ATP2C2: variants seen among roughly 807,000 people sequenced by gnomAD.
ATP2C2 encodes ATPase secretory pathway Ca2+ transporting 2.
In ATP2C2, 171 loss-of-function variants were observed where a neutral mutation model predicts 110.8. That is an observed-to-expected ratio of 1.54 (90% CI 1.36 to 1.75). The LOEUF (loss-of-function observed/expected upper bound fraction) is 1.75, where lower values mean the gene tolerates loss of function less well. Ranked by LOEUF, ATP2C2 falls within the 40% of genes most tolerant of loss-of-function variation. ATP2C2 has a pLI of 0.00. For missense variants in ATP2C2, 1,963 were observed against 1,235.0 expected (o/e 1.59, Z -8.84); for synonymous variants, 804 against 508.4 (o/e 1.58, Z -7.82).
At chr16:84,377,732 G>A (rs1910331048) in intron 1 of ATP2C2, among the ~76,000 whole-genome samples, 1 of 152,036 alleles carries the variant, frequency 6.6e-6, no homozygotes, top group Admixed American at 6.5e-5. Context: ...CCTGGGAATG[G>A]TGGGGGGGTT....
chr16:84,405,277 A>G, intron 3 of ATP2C2, 33 bp downstream of exon 3: 1 of 1,565,996 alleles, frequency 6.4e-7, no homozygotes, highest in Non-Finnish European at 8.8e-7. Context: ...TTGCATTAAC[A>G]TGCATAAGCC....
chr16:84,424,618 C>T lies in ATP2C2; in HGVS notation c.920-1117C>T, dbSNP rs115220374. Among the ~76,000 whole-genome samples, 562 of 130,836 alleles carry T rather than the reference C, an allele frequency of 4.3e-3. 9 individuals carry two copies. The highest frequency in any genetic ancestry group is 0.016 in the African/African-American group (522 of 31,838). The allele number at this position is 130,836 out of a possible 152,430, so 85.8% of individuals were successfully genotyped here. Reference sequence around the variant, plus strand: ...TTTTTTTAACATTTTGGGAACTGCTCTAGCAGATGGAGAGTTTTGACACTC... The same window carrying T: ...TTTTTTTAACATTTTGGGAACTGCTTTAGCAGATGGAGAGTTTTGACACTC... On this transcript the variant is annotated intron_variant, in intron 10 of 26. Coordinates refer to ENST00000262429, the MANE Select transcript of ATP2C2 (RefSeq NM_014861.4).
intron 14 of ATP2C2, among the ~76,000 whole-genome samples, chr16:84,441,692 G>A (rs569851234): frequency 1.1e-4 from 16 of 152,190 alleles, no homozygotes; most frequent in East Asian, 3.9e-4. Flanking sequence ...AGGCCAAGGC[G>A]GGTGGATCAC....
intron 11 of ATP2C2, among the ~76,000 whole-genome samples, chr16:84,437,827 C>A (rs968900168): frequency 4.6e-5 from 7 of 152,194 alleles, no homozygotes; most frequent in African/African-American, 1.2e-4. Context: ...AGAACATTTT[C>A]TTATCGCCTC....
In ATP2C2 at chr16:84,385,806, G is replaced by A. The variant is rs193220043; in HGVS notation, c.100-12693G>A. On this transcript the variant is annotated intron_variant, in intron 1 of 26. Transcript: ENST00000262429. ...CTCACTCACTATCATGAGCATGGGG[G>A]AACCACTCCCGCCATCTAATCACCT... Among the ~76,000 whole-genome samples the A allele has an allele frequency of 3.1e-3, 475 of 152,198 alleles. 3 individuals are homozygous for A. The highest frequency in any genetic ancestry group is 0.011 in the African/African-American group (448 of 41,530).
intron 11 of ATP2C2, among the ~76,000 whole-genome samples, chr16:84,429,310 C>A (rs890731570): frequency 2.6e-5 from 4 of 152,002 alleles, no homozygotes; most frequent in Non-Finnish European, 5.9e-5. Flanking sequence ...CACCACCACA[C>A]CCAGCTAATT....
At chr16:84,369,445 G>T (rs905000186) in intron 1 of ATP2C2, among the ~76,000 whole-genome samples, 5 of 152,028 alleles carry the variant, frequency 3.3e-5, no homozygotes, top group Admixed American at 2.0e-4. Context: ...ATGCTTTAAG[G>T]TCAGGGGGGC....
chr16:84,462,350 A>T, intron 26 of ATP2C2: 2 of 584,640 alleles, frequency 3.4e-6, no homozygotes. Context: ...CCTGTCACTC[A>T]AGAGTAGTAG....
intron 1 of ATP2C2, among the ~76,000 whole-genome samples, chr16:84,384,388 T>G (rs1904294586): frequency 6.6e-6 from 1 of 152,196 alleles, no homozygotes; most frequent in Non-Finnish European, 1.5e-5. Context: ...TTCCTCGGGA[T>G]TTGGCTCAGG....
Position 84,396,288 on chromosome 16 carries a change from G to C in ATP2C2, c.100-2211G>C, listed in dbSNP as rs138440468. On this transcript the variant is annotated intron_variant, in intron 1 of 26. Coordinates refer to ENST00000262429, the MANE Select transcript of ATP2C2 (RefSeq NM_014861.4). ...GAGCCAGGTGCAGTGGCTCACGCCT[G>C]TAATCTCAGCACTTTTGGAGGCTGA... Among the ~76,000 whole-genome samples the C allele has an allele frequency of 2.6e-3, 389 of 152,172 alleles. 14 individuals carry two copies. In the East Asian group the frequency reaches 0.06, roughly 23 times the overall value.
At chr16:84,456,328 G>C (rs1348092377) in intron 21 of ATP2C2, among the ~76,000 whole-genome samples, 1 of 151,850 alleles carries the variant, frequency 6.6e-6, no homozygotes, top group Non-Finnish European at 1.5e-5. Context: ...TCTATTCAGA[G>C]ATTCAACTTC....
chr16:84,391,524 A>C (rs901658597), intron 1 of ATP2C2, among the ~76,000 whole-genome samples: 1 of 152,214 alleles, frequency 6.6e-6, no homozygotes, highest in Non-Finnish European at 1.5e-5. Flanking sequence ...TAACCCAATG[A>C]CTGGGGTCTT....
intron 1 of ATP2C2, among the ~76,000 whole-genome samples, chr16:84,372,928 C>G (rs1364044793): frequency 1.3e-5 from 2 of 151,350 alleles, no homozygotes; most frequent in African/African-American, 4.9e-5. Flanking sequence ...CAAGACCAAC[C>G]TGGCCAATAT....
intron 15 of ATP2C2, 83 bp from the exon 16 acceptor site, chr16:84,446,246 A>C: frequency 1.3e-6 from 1 of 750,628 alleles, no homozygotes; most frequent in East Asian, 3.1e-5. Flanking sequence ...TGGTTTGAAC[A>C]ATGAATAATT....
At chr16:84,377,917 A>G (rs1910342313) in intron 1 of ATP2C2, among the ~76,000 whole-genome samples, 1 of 152,222 alleles carries the variant, frequency 6.6e-6, no homozygotes, top group Non-Finnish European at 1.5e-5. Flanking sequence ...AGAAGCGGGC[A>G]TGGTGCCCCA....
intron 3 of ATP2C2, among the ~76,000 whole-genome samples, chr16:84,406,169 C>T (rs762253357): frequency 2.0e-5 from 3 of 152,122 alleles, no homozygotes; most frequent in Admixed American, 6.6e-5. Context: ...CTGCTGCCAT[C>T]GGTGCTGGCG....
rs777105154 is a variant in ATP2C2, at chr16:84,463,810, G to T, written c.*78G>T. 7.6e-7 allele frequency: 1 copy of T among 1,322,382 alleles called. No homozygotes were observed. The highest frequency in any genetic ancestry group is 1.2e-5 in the South Asian group (1 of 83,202). The allele number at this position is 1,322,382 out of a possible 1,614,324, so 81.9% of individuals were successfully genotyped here. ...TGGCCCCTGCCGTGTCTCCTCGTCA[G>T]GGGAGACTTTTAGGAGGCCGCAGCC... On this transcript the variant is annotated 3_prime_UTR_variant, in exon 27 of 27. Coordinates refer to ENST00000262429, the MANE Select transcript of ATP2C2 (RefSeq NM_014861.4).
intron 10 of ATP2C2, among the ~76,000 whole-genome samples, chr16:84,425,125 C>T (rs929562132): frequency 7.9e-5 from 12 of 152,154 alleles, no homozygotes; most frequent in African/African-American, 2.9e-4. Context: ...CAGAAAACAT[C>T]CCTGGCCCCC....
chr16:84,387,392 A>G (rs976329490), intron 1 of ATP2C2, among the ~76,000 whole-genome samples: 4 of 152,142 alleles, frequency 2.6e-5, no homozygotes, highest in Non-Finnish European at 4.4e-5. Context: ...GGTGCCTGTA[A>G]TCCCAGCCAC....
Sources: gnomAD v4.1 joint callset for allele counts (sites outside exome capture counted in the v4.1 genomes callset) on GRCh38, gnomAD v4.1.1 for gene constraint, MANE v1.5 for transcripts, NCBI Gene and HGNC (gene_info 2026-07-23, HGNC 2026-07-21) for gene names.